The following ACR variants were observed in gnomAD, a reference collection of about 807,000 sequenced individuals.
ACR encodes acrosin.
ACR carries 17 observed loss-of-function variants against 26.0 expected under a neutral mutation model. The observed-to-expected ratio is 0.65, with a 90% CI of 0.45 to 0.98. The LOEUF is 0.98. ACR is among the 50% of genes least tolerant of loss of function. The probability of loss-of-function intolerance (pLI) is 0.00; values close to 1 mark genes in which losing one functional copy is unlikely to be tolerated. For missense variants in ACR, 435 were observed against 519.3 expected (o/e 0.84, Z 1.58); for synonymous variants, 199 against 207.7 (o/e 0.96, Z 0.36).
Position 50,744,825 on chromosome 22 carries a change from G to A in ACR, c.884G>A (p.Arg295His), listed in dbSNP as rs140584689. ...IASKIGSNALRMIQSATPPPP... is the reference protein window; with the variant it reads ...IASKIGSNALHMIQSATPPPP... ...TCCAAGATTGGTTCTAACGCTTTGC[G>A]TATGATTCAATCGGCCACCCCTCCA... The change falls in exon 5 of 5, where the codon CGT (arginine) becomes CAT (histidine). Residue 295 changes from arginine (R) to histidine (H), a missense_variant. Coordinates refer to ENST00000216139, the MANE Select transcript of ACR (RefSeq NM_001097.3). 413 of 1,605,068 alleles carry A rather than the reference G, an allele frequency of 2.6e-4. No homozygotes were observed. The highest frequency in any genetic ancestry group is 3.2e-4 in the Non-Finnish European group (380 of 1,176,194).
chr22:50,742,681 G>A (rs1299032189), intron 3 of ACR, among the ~76,000 whole-genome samples: 2 of 152,190 alleles, frequency 1.3e-5, no homozygotes, highest in Admixed American at 6.5e-5. Context: ...GAAAAGGTGG[G>A]GGCTAAGGGG....
chr22:50,744,004 G>A, intron 3 of ACR, 57 bp from the exon 4 acceptor site: 4 of 1,269,010 alleles, frequency 3.2e-6, no homozygotes, highest in Non-Finnish European at 4.6e-6. Context: ...GGGCAAGGAG[G>A]CAGGGCTTTT....
At chr22:50,741,452 C>T (rs2083424378) in intron 3 of ACR, among the ~76,000 whole-genome samples, 2 of 151,874 alleles carry the variant, frequency 1.3e-5, no homozygotes, top group Non-Finnish European at 2.9e-5. Context: ...TTGGGGGTCC[C>T]TATGTTCCTG....
rs975094965 is a variant in ACR, at chr22:50,739,356, C to G, written c.163C>G (p.Pro55Ala). The change falls in exon 2 of 5, where the codon CCC (proline) becomes GCC (alanine). Residue 55 changes from proline to alanine, a missense_variant. Coordinates refer to ENST00000216139, the MANE Select transcript of ACR (RefSeq NM_001097.3). The surrounding 1 kb of genome is among the most constrained non-coding windows in gnomAD (Gnocchi z 5.5). ...GAAGGCTGCACAGCATGGGGCCTGGCCCTGGATGGTCAGCCTCCAGATCTT... is the reference window on the plus strand; with the variant it reads ...GAAGGCTGCACAGCATGGGGCCTGGGCCTGGATGGTCAGCCTCCAGATCTT... ...GGKAAQHGAW[P>A]WMVSLQIFTY... 6.2e-7 allele frequency: 1 copy of G among 1,612,936 alleles called. No individual in the cohort carries two copies. The highest frequency in any genetic ancestry group is 8.5e-7 in the Non-Finnish European group (1 of 1,179,618).
Position 50,739,313 on chromosome 22 carries a change from T to A in ACR, c.120T>A (p.Gly40=), listed in dbSNP as rs1436324335. 1 of 1,601,162 alleles carries A rather than the reference T, an allele frequency of 6.2e-7. No individual in the cohort carries two copies. Among genetic ancestry groups the A allele is most frequent in the South Asian group, 1.1e-5 (1 of 89,008 alleles). Residue 40 remains glycine, a synonymous_variant, in exon 2 of 5, where the codon GGT becomes GGA. Coordinates refer to ENST00000216139, the MANE Select transcript of ACR (RefSeq NM_001097.3). This position sits in a 1 kb window ranked among gnomAD's most constrained non-coding sequence, Gnocchi z 5.5. ...GGTTCAGGCAAAACCCACAGGGTGGTGTCCGCATCGTCGGCGGGAAGGCTG... is the reference window on the plus strand; with the variant it reads ...GGTTCAGGCAAAACCCACAGGGTGGAGTCCGCATCGTCGGCGGGAAGGCTG... ...GLRFRQNPQG[G]VRIVGGKAAQ... is the part of the protein sequence containing the mutation.
Position 50,738,311 on chromosome 22 carries a change from GAGTA to G in ACR, c.77+3_77+6del. The G allele has an allele frequency of 6.2e-7, 1 of 1,613,852 alleles. No individual in the cohort carries two copies. Among genetic ancestry groups the G allele is most frequent in the Non-Finnish European group, 8.5e-7 (1 of 1,179,892 alleles). On this transcript the variant is annotated splice_donor_variant and splice_donor_region_variant and coding_sequence_variant and intron_variant, in exon 1 of 5. Coordinates refer to ENST00000216139, the MANE Select transcript of ACR (RefSeq NM_001097.3). LOFTEE classifies it high-confidence loss of function. Reference sequence around the variant, plus strand: ...GGTTGCTAAAGATAACGCCACGTGTGAGTAAGTGTCGGGGCACCTTGGTGGGGGA... The same window carrying G: ...GGTTGCTAAAGATAACGCCACGTGTGAGTGTCGGGGCACCTTGGTGGGGGA...
intron 3 of ACR, among the ~76,000 whole-genome samples, chr22:50,742,461 G>C (rs374054353): frequency 2.8e-4 from 42 of 150,694 alleles, no homozygotes; most frequent in African/African-American, 9.3e-4. Context: ...GGAGAATGGC[G>C]TGAACCCAGG....
intron 3 of ACR, among the ~76,000 whole-genome samples, chr22:50,740,993 C>G (rs142530125): frequency 6.6e-6 from 1 of 152,340 alleles, no homozygotes; most frequent in African/African-American, 2.4e-5. Flanking sequence ...GCCAGCAGGA[C>G]AAGACCCAGT....
intron 1 of ACR, among the ~76,000 whole-genome samples, chr22:50,738,900 C>T (rs1177274176): frequency 6.6e-6 from 1 of 152,076 alleles, no homozygotes; most frequent in Non-Finnish European, 1.5e-5. Flanking sequence ...GAGTCTCCCA[C>T]CCAAGATTGG....
chr22:50,741,489 C>A (rs2083424516), intron 3 of ACR, among the ~76,000 whole-genome samples: 1 of 151,884 alleles, frequency 6.6e-6, no homozygotes, highest in Non-Finnish European at 1.5e-5. Flanking sequence ...GTCCCCACTG[C>A]CAACCGTTGC....
At chr22:50,741,472 T>A (rs2083424456) in intron 3 of ACR, among the ~76,000 whole-genome samples, 1 of 151,848 alleles carries the variant, frequency 6.6e-6, no homozygotes. Flanking sequence ...GGGAGGCTGA[T>A]CTTAGGGTCC....
Position 50,744,997 on chromosome 22 carries a change from C to T in ACR, c.1056C>T (p.Pro352=), listed in dbSNP as rs760673254. The change falls in exon 5 of 5, where the codon CCC becomes CCT. Residue 352 remains proline (P), a synonymous_variant. Coordinates refer to ENST00000216139, the MANE Select transcript of ACR (RefSeq NM_001097.3). ...CCCGACCCCCACCTTCACCCCCGCCCCCACCCCCACCTCCAGCCTCACCTT... is the reference window on the plus strand; with the variant it reads ...CCCGACCCCCACCTTCACCCCCGCCTCCACCCCCACCTCCAGCCTCACCTT... ...AQPRPPPSPP[P]PPPPPASPLP... is the part of the protein sequence containing the mutation. 5.1e-6 allele frequency: 4 copies of T among 780,708 alleles called. No individual in the cohort carries two copies. Among genetic ancestry groups the T allele is most frequent in the African/African-American group, 2.5e-5 (1 of 40,782 alleles). 48.4% of individuals were successfully genotyped at this position (780,708 alleles called of 1,614,324 possible). A position where few individuals can be genotyped will look rare whatever the true frequency, so the allele number is the denominator to read the frequency against.
Position 50,740,762 on chromosome 22 carries a change from C to T in ACR, c.565+785C>T, listed in dbSNP as rs59998603. ...CCCATCCAACACTACCTGATACACT[C>T]GACACCAGATGAGTTCTAGAAGAGT... On this transcript the variant is annotated intron_variant, in intron 3 of 4. Coordinates refer to ENST00000216139, the MANE Select transcript of ACR (RefSeq NM_001097.3). 2.7e-3 allele frequency: 1,904 copies of T among 701,892 alleles called. 13 individuals are homozygous for T. The highest frequency in any genetic ancestry group is 0.013 in the African/African-American group (756 of 57,342). The allele number at this position is 701,892 out of a possible 1,614,324, so 43.5% of individuals were successfully genotyped here. A position where few individuals can be genotyped will look rare whatever the true frequency, so the allele number is the denominator to read the frequency against.
At chr22:50,743,234 A>G (rs2083434124) in intron 3 of ACR, among the ~76,000 whole-genome samples, 1 of 151,758 alleles carries the variant, frequency 6.6e-6, no homozygotes, top group South Asian at 2.1e-4. Flanking sequence ...ACGGGGTTTC[A>G]CCGTGTTAGC....
chr22:50,738,338 G>A (rs1383566744), intron 1 of ACR, 26 bp downstream of exon 1: 1 of 1,610,776 alleles, frequency 6.2e-7, no homozygotes, highest in South Asian at 1.1e-5. Flanking sequence ...CCTTGGTGGG[G>A]GAAGGATCTT....
At position 50,739,558 on chromosome 22, in the gene ACR, T is replaced by C. The variant is rs781006970; in HGVS notation, c.281+84T>C. The stretch of plus-strand genomic sequence containing the variant: ...TTCCCCGGGGATGCTGTGCAGCGTC[T>C]CCCTGGGGCTCTGGGCCAAGTGGCT... On this transcript the variant is annotated intron_variant, in intron 2 of 4. Coordinates refer to ENST00000216139, the MANE Select transcript of ACR (RefSeq NM_001097.3). The surrounding 1 kb of genome is among the most constrained non-coding windows in gnomAD (Gnocchi z 5.5). 9 of 1,583,596 alleles carry C rather than the reference T, an allele frequency of 5.7e-6. No individual in the cohort carries two copies. The highest frequency in any genetic ancestry group is 1.1e-5 in the South Asian group (1 of 87,614).
intron 3 of ACR, among the ~76,000 whole-genome samples, chr22:50,742,291 T>C (rs893165191): frequency 2.6e-5 from 4 of 151,902 alleles, no homozygotes; most frequent in East Asian, 3.9e-4. Flanking sequence ...ACTCCTGTAA[T>C]CCCAGCACTT....
intron 3 of ACR, 144 bp downstream of exon 3, chr22:50,740,121 T>C: frequency 9.4e-7 from 1 of 1,061,364 alleles, no homozygotes; most frequent in Non-Finnish European, 1.4e-6. Flanking sequence ...ACTGTGGCCT[T>C]CCACAGTCCC....
rs2083443875 is a variant in ACR, at chr22:50,744,995, C to T, written c.1054C>T (p.Pro352Ser). The T allele has an allele frequency of 1.2e-6, 1 of 800,200 alleles. No individual in the cohort carries two copies. The highest frequency in any genetic ancestry group is 1.9e-6 in the Non-Finnish European group (1 of 539,806). 49.6% of individuals were successfully genotyped at this position (800,200 alleles called of 1,614,324 possible). A position where few individuals can be genotyped will look rare whatever the true frequency, so the allele number is the denominator to read the frequency against. Residue 352 changes from proline (P) to serine (S), a missense_variant, in exon 5 of 5, where the codon CCC becomes TCC. Around this residue, in one of 3 missense-constraint regions of ACR, gnomAD observed 92 missense variants for 87.8 expected, o/e 1.05. Coordinates refer to ENST00000216139, the MANE Select transcript of ACR (RefSeq NM_001097.3). ...AQPRPPPSPP[P>S]PPPPPASPLP... The stretch of plus-strand genomic sequence containing the variant: ...GCCCCGACCCCCACCTTCACCCCCG[C>T]CCCCACCCCCACCTCCAGCCTCACC...
Sources: allele counts gnomAD v4.1 joint callset (sites outside exome capture counted in the v4.1 genomes callset), GRCh38; gene constraint gnomAD v4.1.1; regional missense constraint gnomAD v4.1.1; non-coding constraint Gnocchi (gnomAD v3.1); transcripts MANE v1.5; gene names NCBI Gene and HGNC (gene_info 2026-07-23, HGNC 2026-07-21).